The following CNTN6 variants were observed in gnomAD, a reference collection of about 807,000 sequenced individuals.
The protein encoded by CNTN6 is contactin 6.
Under a neutral mutation model 122.8 loss-of-function variants are expected in CNTN6, and 137 were observed. That is an observed-to-expected ratio of 1.12 (90% CI 0.97 to 1.29). The LOEUF (loss-of-function observed/expected upper bound fraction) is 1.29, where lower values mean the gene tolerates loss of function less well. Ranked by LOEUF, CNTN6 falls within the 50% of genes most tolerant of loss-of-function variation. The probability of loss-of-function intolerance (pLI) is 0.00; values close to 1 mark genes in which losing one functional copy is unlikely to be tolerated. For missense variants in CNTN6, 1,634 were observed against 1,223.4 expected, an observed-to-expected ratio of 1.34 and a Z score of -5.01; for synonymous variants, 570 against 426.0, an observed-to-expected ratio of 1.34 and a Z score of -4.16.
intron 1 of CNTN6, among the ~76,000 whole-genome samples, chr3:1,109,180 G>A (rs756846950): frequency 1.3e-5 from 2 of 151,986 alleles, no homozygotes; most frequent in Admixed American, 6.6e-5. Flanking sequence ...TATGATCCCC[G>A]ATGAGCACTG....
At chr3:1,340,865 A>C (rs1481436009) in intron 11 of CNTN6, among the ~76,000 whole-genome samples, 1 of 152,118 alleles carries the variant, frequency 6.6e-6, no homozygotes, top group Non-Finnish European at 1.5e-5. Context: ...GTTAATAATC[A>C]TTAGCGTTCC....
At chr3:1,107,180 C>G (rs72995721) in intron 1 of CNTN6, among the ~76,000 whole-genome samples, 2 of 151,986 alleles carry the variant, frequency 1.3e-5, no homozygotes, top group South Asian at 4.1e-4. Flanking sequence ...GTCAAGTTGA[C>G]ACATAAATGT....
intron 2 of CNTN6, among the ~76,000 whole-genome samples, chr3:1,188,243 G>C (rs113837305): frequency 0.011 from 1,721 of 152,248 alleles, 9 homozygotes; most frequent in Non-Finnish European, 0.018. Context: ...GGGAATGCTT[G>C]CATTTCTTCA....
rs148780833 is a variant in CNTN6, at chr3:1,301,059, C to T, written c.761+3068C>T. Among the ~76,000 whole-genome samples, 552 of 91,330 alleles carry T rather than the reference C, an allele frequency of 6.0e-3. 3 individuals carry two copies. The highest frequency in any genetic ancestry group is 0.021 in the African/African-American group (500 of 24,178). 59.9% of individuals were successfully genotyped at this position (91,330 alleles called of 152,430 possible). A position where few individuals can be genotyped will look rare whatever the true frequency, so the allele number is the denominator to read the frequency against. On this transcript the variant is annotated intron_variant, in intron 7 of 22. Transcript: ENST00000446702. Reference sequence around the variant, plus strand: ...TTTTTTTTTTTTTTTTTTTTTGAGACGGAGTCTAACTCTGTCGCCCAGGCT... The same window carrying T: ...TTTTTTTTTTTTTTTTTTTTTGAGATGGAGTCTAACTCTGTCGCCCAGGCT...
chr3:1,372,194 C>T lies in CNTN6; in HGVS notation c.1493-105C>T. ...CTGGACATTGTAGAACTCCAGGTTG[C>T]ATTTATATAATTTCAAATGAATGAT... is the stretch of plus-strand genomic sequence containing the variant. On this transcript the variant is annotated intron_variant, in intron 12 of 22. Transcript: ENST00000446702. 3.8e-6 allele frequency: 3 copies of T among 795,734 alleles called. 1 individual carries two copies. The South Asian group carries it at 7.4e-5, about 20-fold the overall frequency. The allele number at this position is 795,734 out of a possible 1,614,324, so 49.3% of individuals were successfully genotyped here.
chr3:1,152,242 A>G (rs954078636), intron 2 of CNTN6, among the ~76,000 whole-genome samples: 2 of 151,740 alleles, frequency 1.3e-5, no homozygotes, highest in Non-Finnish European at 2.9e-5. Flanking sequence ...GGGTTCATAC[A>G]ATTCTCCTGC....
chr3:1,311,960 A>C (rs1699394215), intron 7 of CNTN6, among the ~76,000 whole-genome samples: 1 of 152,074 alleles, frequency 6.6e-6, no homozygotes, highest in Non-Finnish European at 1.5e-5. Flanking sequence ...TGTAATCATG[A>C]ATAATAATGT....
At chr3:1,301,365 A>G (rs929936034) in intron 7 of CNTN6, among the ~76,000 whole-genome samples, 11 of 152,146 alleles carry the variant, frequency 7.2e-5, no homozygotes, top group African/African-American at 1.4e-4. Context: ...TAAACTAGCA[A>G]TATTTGACCC....
In CNTN6 at chr3:1,133,825, T is replaced by G. The variant is rs115463812; in HGVS notation, c.-82-14102T>G. 5.9e-4 allele frequency among the ~76,000 whole-genome samples: 90 copies of G among 152,262 alleles called. 1 individual carries two copies. The highest frequency in any genetic ancestry group is 2.1e-3 in the African/African-American group (87 of 41,560). ...ACTGTTAGGGAAACATGTGTTCTCA[T>G]ATTCTTCTTTCCTTCCTCGGATCCT... is the stretch of plus-strand genomic sequence containing the variant. On this transcript the variant is annotated intron_variant, in intron 1 of 22. Coordinates refer to ENST00000446702, the MANE Select transcript of CNTN6 (RefSeq NM_001289080.2).
chr3:1,223,806 A>G (rs1396617213), intron 3 of CNTN6, among the ~76,000 whole-genome samples: 1 of 152,222 alleles, frequency 6.6e-6, no homozygotes, highest in East Asian at 1.9e-4. Flanking sequence ...CCTTAAGTCT[A>G]GAGAAGCTCT....
intron 2 of CNTN6, among the ~76,000 whole-genome samples, chr3:1,179,876 G>A (rs1212682188): frequency 6.6e-6 from 1 of 152,130 alleles, no homozygotes; most frequent in Admixed American, 6.5e-5. Flanking sequence ...GTTAAAATTT[G>A]TTTTATGCCT....
chr3:1,095,172 A>T (rs1209566039), intron 1 of CNTN6, among the ~76,000 whole-genome samples: 5 of 101,566 alleles, frequency 4.9e-5, no homozygotes, highest in African/African-American at 1.6e-4. Context: ...TCCTACACTT[A>T]AAAAAAAACA....
chr3:1,274,562 C>G (rs1489261471), intron 4 of CNTN6, among the ~76,000 whole-genome samples: 1 of 152,120 alleles, frequency 6.6e-6, no homozygotes, highest in African/African-American at 2.4e-5. Flanking sequence ...GTGAATCTAT[C>G]TTATTGAACT....
intron 2 of CNTN6, among the ~76,000 whole-genome samples, chr3:1,215,366 G>T (rs774268650): frequency 6.6e-6 from 1 of 152,128 alleles, no homozygotes; most frequent in Admixed American, 6.5e-5. Flanking sequence ...CATTATGTGA[G>T]ATAATTACAA....
intron 7 of CNTN6, among the ~76,000 whole-genome samples, chr3:1,304,652 A>G (rs897985246): frequency 2.0e-5 from 3 of 152,162 alleles, no homozygotes; most frequent in Non-Finnish European, 4.4e-5. Context: ...TATATTATCT[A>G]TAATAACTAA....
chr3:1,218,633 A>G (rs748838958), intron 2 of CNTN6, among the ~76,000 whole-genome samples: 7 of 152,168 alleles, frequency 4.6e-5, no homozygotes, highest in Non-Finnish European at 8.8e-5. Flanking sequence ...TGTCAAAGAT[A>G]ATGGGCACCA....
At chr3:1,240,290 T>A (rs1339232619) in intron 4 of CNTN6, among the ~76,000 whole-genome samples, 1 of 152,050 alleles carries the variant, frequency 6.6e-6, no homozygotes, top group African/African-American at 2.4e-5. Context: ...ATGACTGATA[T>A]CGAGAATCTA....
chr3:1,292,248 T>C (rs980514102), intron 5 of CNTN6, among the ~76,000 whole-genome samples: 1 of 152,160 alleles, frequency 6.6e-6, no homozygotes, highest in Non-Finnish European at 1.5e-5. Flanking sequence ...TATTTAACTT[T>C]TTATGCGTGT....
intron 5 of CNTN6, among the ~76,000 whole-genome samples, chr3:1,281,653 C>T (rs186807458): frequency 4.6e-5 from 7 of 151,954 alleles, no homozygotes; most frequent in East Asian, 1.9e-4. Flanking sequence ...TTAGTAGAGG[C>T]GGGGTTTCAC....
Sources: allele counts gnomAD v4.1 joint callset (sites outside exome capture counted in the v4.1 genomes callset), GRCh38; gene constraint gnomAD v4.1.1; transcripts MANE v1.5; gene names NCBI Gene and HGNC (gene_info 2026-07-23, HGNC 2026-07-21).